PYY: variants seen among roughly 807,000 people sequenced by gnomAD.
PYY encodes peptide YY, also known as peptide tyrosine tyrosine.
Under a neutral mutation model 10.3 loss-of-function variants are expected in PYY, and 12 were observed. The ratio of observed to expected loss-of-function variants is 1.17; its 90% CI spans 0.75 to 1.89. The LOEUF (loss-of-function observed/expected upper bound fraction) is 1.89. Ranked by LOEUF, PYY falls within the 40% of genes most tolerant of loss-of-function variation. The pLI, the probability that PYY is intolerant of heterozygous loss-of-function variation, is 0.00. For synonymous variants in PYY, 66 were observed against 62.0 expected, an observed-to-expected ratio of 1.06 and a Z score of -0.30; for missense variants, 141 against 134.0, an observed-to-expected ratio of 1.05 and a Z score of -0.26.
intron 1 of PYY, among the ~76,000 whole-genome samples, chr17:43,992,887 G>C (rs1215660931): frequency 6.6e-6 from 1 of 150,958 alleles, no homozygotes; most frequent in South Asian, 2.1e-4. Flanking sequence ...GCTGGAACAG[G>C]GGGAGGATTG....
intron 1 of PYY, among the ~76,000 whole-genome samples, chr17:43,988,015 T>C (rs1004180612): frequency 3.9e-5 from 6 of 151,964 alleles, no homozygotes; most frequent in Non-Finnish European, 8.8e-5. Context: ...TACTGGACCA[T>C]CACCTCCAAT....
chr17:43,962,778 G>C (rs2048721423), intron 2 of PYY, among the ~76,000 whole-genome samples: 1 of 152,154 alleles, frequency 6.6e-6, no homozygotes, highest in Admixed American at 6.5e-5. Flanking sequence ...TTTTTGGGGG[G>C]CGGCACACAG....
intron 1 of PYY, among the ~76,000 whole-genome samples, chr17:43,976,291 A>ATATACACATC: frequency 3.4e-5 from 5 of 148,690 alleles, no homozygotes; most frequent in African/African-American, 1.3e-4. Context: ...ACGCATATGT[A>ATATACACATC]TACATGTATA....
chr17:43,989,692 A>G (rs2048939807), intron 1 of PYY, among the ~76,000 whole-genome samples: 1 of 151,164 alleles, frequency 6.6e-6, no homozygotes, highest in African/African-American at 2.4e-5. Flanking sequence ...CTATAATCCC[A>G]GCACTTTGGG....
At chr17:43,971,881 GTTCTCTTTTGTGACTCATTCTT>G (rs1361237226) in intron 1 of PYY, among the ~76,000 whole-genome samples, 3 of 151,838 alleles carry the variant, frequency 2.0e-5, no homozygotes, top group Admixed American at 1.3e-4. Flanking sequence ...TTTATCAATT[GTTCTCTTTTGTGACTCATTCTT>G]TTGGGTGTCC....
At chr17:43,976,222 CATATATACATATGCGTATATATACACAT>C in intron 1 of PYY, among the ~76,000 whole-genome samples, 1 of 134,070 alleles carries the variant, frequency 7.5e-6, no homozygotes, top group African/African-American at 3.1e-5. Context: ...TATATGTATA[CATATATACATATGCGTATATATACACAT>C]ATGTATACAT....
chr17:43,987,703 C>T lies in PYY; in HGVS notation c.-463+16688G>A, dbSNP rs1383134922. Among the ~76,000 whole-genome samples, 2 of 152,368 alleles carry T rather than the reference C, an allele frequency of 1.3e-5. No individual in the cohort carries two copies. Among genetic ancestry groups the T allele is most frequent in the African/African-American group, 4.8e-5 (2 of 41,586 alleles). ...CACTGGGCCCCTCGTCTGTGCCAGT[C>T]CTTGCTCCAGGCACTGAGAGGAGGC... is the stretch of plus-strand genomic sequence containing the variant. On this transcript the variant is annotated intron_variant, in intron 1 of 6. Transcript: ENST00000360085. The surrounding 1 kb of genome is among the most constrained non-coding windows in gnomAD (Gnocchi z 4.0).
chr17:43,995,925 C>A (rs2700835), intron 1 of PYY, among the ~76,000 whole-genome samples: 81,438 of 151,518 alleles, frequency 0.54, 22,881 homozygotes, highest in Middle Eastern at 0.76. Context: ...GAGGCCAAGG[C>A]AGTTGGATCG....
chr17:44,001,373 C>G (rs2049025582), intron 1 of PYY, among the ~76,000 whole-genome samples: 1 of 152,172 alleles, frequency 6.6e-6, no homozygotes, highest in Non-Finnish European at 1.5e-5. Flanking sequence ...ACAGGCTCTG[C>G]TCTAACAAAA....
intron 1 of PYY, among the ~76,000 whole-genome samples, chr17:43,972,446 C>T (rs2048801105): frequency 6.6e-6 from 1 of 152,106 alleles, no homozygotes; most frequent in East Asian, 1.9e-4. Flanking sequence ...AAACTCCTGA[C>T]CTCAGGTGAT....
chr17:43,995,911 T>C (rs1244358093), intron 1 of PYY, among the ~76,000 whole-genome samples: 1 of 151,744 alleles, frequency 6.6e-6, no homozygotes, highest in South Asian at 2.1e-4. Flanking sequence ...TCCCAACACT[T>C]TGGGAGGCCA....
chr17:43,980,789 G>A (rs1165043114), intron 1 of PYY, among the ~76,000 whole-genome samples: 1 of 151,988 alleles, frequency 6.6e-6, no homozygotes, highest in Non-Finnish European at 1.5e-5. Flanking sequence ...ATTCTTTTAG[G>A]TTCAGTTTCT....
intron 1 of PYY, among the ~76,000 whole-genome samples, chr17:43,995,502 A>C (rs1178342994): frequency 6.6e-6 from 1 of 151,938 alleles, no homozygotes; most frequent in Non-Finnish European, 1.5e-5. Context: ...CCCATCCCAC[A>C]TGCCCTTCCA....
chr17:43,974,218 C>T (rs762172942), intron 1 of PYY, among the ~76,000 whole-genome samples: 132 of 152,040 alleles, frequency 8.7e-4, no homozygotes, highest in Non-Finnish European at 1.5e-3. Flanking sequence ...CTTTTCTTCC[C>T]TCGCGCATTT....
chr17:43,995,960 G>C (rs576106466), intron 1 of PYY, among the ~76,000 whole-genome samples: 28 of 152,140 alleles, frequency 1.8e-4, no homozygotes, highest in Admixed American at 1.5e-3. Flanking sequence ...TTTAAGACTA[G>C]CTGGGCAACA....
intron 1 of PYY, among the ~76,000 whole-genome samples, chr17:43,989,256 C>G (rs1435265073): frequency 6.6e-6 from 1 of 151,958 alleles, no homozygotes; most frequent in South Asian, 2.1e-4. Flanking sequence ...CGCCTGTAGT[C>G]CCAGCTACTC....
rs1178125420 is a variant in PYY, at chr17:43,952,757, T to C, written c.*199A>G. 4.0e-6 allele frequency: 2 copies of C among 502,786 alleles called. No homozygotes were observed. Among genetic ancestry groups the C allele is most frequent in the African/African-American group, 4.0e-5 (2 of 49,930 alleles). 31.1% of individuals were successfully genotyped at this position (502,786 alleles called of 1,614,324 possible). On this transcript the variant is annotated 3_prime_UTR_variant, in exon 4 of 4. Transcript: ENST00000692052. Reference sequence around the variant, plus strand: ...ATTCCGTTTCTGTGGAATTTGCTCTTTATTTTGGGACCAGGGAAGGACCAC... The same window carrying C: ...ATTCCGTTTCTGTGGAATTTGCTCTCTATTTTGGGACCAGGGAAGGACCAC...
At chr17:43,981,901 T>C (rs1371371971) in intron 1 of PYY, among the ~76,000 whole-genome samples, 3 of 152,244 alleles carry the variant, frequency 2.0e-5, no homozygotes, top group South Asian at 4.1e-4. Context: ...GTAAACATTC[T>C]ATTTATTTTT....
At chr17:43,963,570 A>AAAAAGAAAGAAAG (rs1404696451) in intron 2 of PYY, among the ~76,000 whole-genome samples, 29 of 104,676 alleles carry the variant, frequency 2.8e-4, no homozygotes, top group African/African-American at 1.0e-3. Context: ...GGAAGGAAGG[A>AAAAAGAAAGAAAG]AAAGAAAGAA....
Sources: allele counts gnomAD v4.1 joint callset (sites outside exome capture counted in the v4.1 genomes callset), GRCh38; gene constraint gnomAD v4.1.1; non-coding constraint Gnocchi (gnomAD v3.1); transcripts MANE v1.5; gene names NCBI Gene and HGNC (gene_info 2026-07-23, HGNC 2026-07-21).